Variants in BABAM2 observed in about 807,000 individuals in gnomAD.
The protein encoded by BABAM2 is BRISC and BRCA1-A complex member 2.
BABAM2 carries 31 observed loss-of-function variants against 54.7 expected under a neutral mutation model. The ratio of observed to expected loss-of-function variants is 0.57; its 90% CI spans 0.43 to 0.77. The LOEUF (loss-of-function observed/expected upper bound fraction) is 0.77, where lower values mean the gene tolerates loss of function less well. BABAM2 is among the 30% of genes least tolerant of loss of function. The pLI is 0.00. For synonymous variants in BABAM2, 167 were observed against 162.9 expected (o/e 1.03, Z -0.19); for missense variants, 364 against 455.8 (o/e 0.80, Z 1.83).
chr2:28,162,251 G>A (rs1365652973), intron 7 of BABAM2, among the ~76,000 whole-genome samples: 3 of 151,992 alleles, frequency 2.0e-5, no homozygotes, highest in Admixed American at 6.6e-5. Flanking sequence ...CCTCACACCG[G>A]GACAGTAAAG....
chr2:28,046,068 T>C (rs533963521), intron 6 of BABAM2, among the ~76,000 whole-genome samples: 1 of 152,326 alleles, frequency 6.6e-6, no homozygotes, highest in South Asian at 2.1e-4. Context: ...TATTTAATAA[T>C]GTTACTGGAA....
chr2:28,322,238 C>T lies in BABAM2; in HGVS notation c.1089-16212C>T, dbSNP rs557795361. On this transcript the variant is annotated intron_variant, in intron 11 of 11. Transcript: ENST00000379624. The surrounding 1 kb of genome is among the most constrained non-coding windows in gnomAD (Gnocchi z 4.1). ...GGAGCTTCCAGCTGCCCCTACCATT[C>T]GGTGCACAAGTGTCCCTGAACTTCG... Among the ~76,000 whole-genome samples the T allele has an allele frequency of 6.6e-5, 10 of 152,238 alleles. No homozygotes were observed. In the East Asian group the frequency reaches 1.2e-3, roughly 18 times the overall value.
chr2:28,187,467 T>A (rs917094837), intron 7 of BABAM2, among the ~76,000 whole-genome samples: 3 of 151,954 alleles, frequency 2.0e-5, no homozygotes, highest in African/African-American at 7.3e-5. Context: ...CCAACCAGAG[T>A]GCTGTAAAGA....
intron 3 of BABAM2, among the ~76,000 whole-genome samples, chr2:27,951,111 G>A (rs1395831699): frequency 1.3e-5 from 2 of 152,110 alleles, no homozygotes; most frequent in Non-Finnish European, 2.9e-5. Context: ...GGAAGAACCA[G>A]CTTTTGGTTT....
chr2:27,989,648 T>C (rs1047844406), intron 4 of BABAM2, among the ~76,000 whole-genome samples: 3 of 152,134 alleles, frequency 2.0e-5, no homozygotes, highest in Admixed American at 6.6e-5. Context: ...CTAATAGCAG[T>C]GTGGTCAATA....
In BABAM2 at chr2:28,020,952, G is replaced by GACAGACAC. The variant is rs151229813; in HGVS notation, c.301-4271_301-4270insGACACACA. 4.2e-5 allele frequency among the ~76,000 whole-genome samples: 6 copies of GACAGACAC among 144,414 alleles called. No homozygotes were observed. The East Asian group carries it at 1.2e-3, about 30-fold the overall frequency. The allele number at this position is 144,414 out of a possible 152,430, so 94.7% of individuals were successfully genotyped here. A position where few individuals can be genotyped will look rare whatever the true frequency, so the allele number is the denominator to read the frequency against. ...CATTTCTAAGACTCTCTGTCTCTCTGACACACACACACACACACACACACA... is the reference window on the plus strand; with the variant it reads ...CATTTCTAAGACTCTCTGTCTCTCTGACAGACACACACACACACACACACACACACACA... On this transcript the variant is annotated intron_variant, in intron 4 of 11. Coordinates refer to ENST00000379624, the MANE Select transcript of BABAM2 (RefSeq NM_199191.3).
chr2:28,262,791 A>T (rs1482434236), intron 10 of BABAM2, among the ~76,000 whole-genome samples: 2 of 152,114 alleles, frequency 1.3e-5, no homozygotes, highest in African/African-American at 4.8e-5. Context: ...GTCCATTCCA[A>T]CCTGCAAACT....
chr2:28,274,452 G>C (rs923332207), intron 10 of BABAM2, among the ~76,000 whole-genome samples: 2 of 152,114 alleles, frequency 1.3e-5, no homozygotes, highest in Non-Finnish European at 2.9e-5. Flanking sequence ...TTTTGAGACA[G>C]AATCTCATTC....
chr2:27,908,539 C>T (rs1666352518), intron 2 of BABAM2, among the ~76,000 whole-genome samples: 1 of 152,176 alleles, frequency 6.6e-6, no homozygotes, highest in Non-Finnish European at 1.5e-5. Context: ...TCTCAAAGTG[C>T]TGGATTACAG....
chr2:27,894,687 A>T lies in BABAM2; in HGVS notation c.128+3A>T. 1 of 1,614,084 alleles carries T rather than the reference A, an allele frequency of 6.2e-7. No homozygotes were observed. The highest frequency in any genetic ancestry group is 8.5e-7 in the Non-Finnish European group (1 of 1,179,954). ...AGGATAACTGACTTAAAATCTGGGT[A>T]TGTACCAGAATGAATTCAGTCAATG... is the stretch of plus-strand genomic sequence containing the variant. On this transcript the variant is annotated splice_donor_region_variant and intron_variant, in intron 2 of 11. Coordinates refer to ENST00000379624, the MANE Select transcript of BABAM2 (RefSeq NM_199191.3).
rs759018621 is a variant in BABAM2, at chr2:28,338,553, T to C, written c.*40T>C. The C allele has an allele frequency of 6.2e-7, 1 of 1,606,008 alleles. No individual in the cohort carries two copies. Among genetic ancestry groups the C allele is most frequent in the Non-Finnish European group, 8.5e-7 (1 of 1,172,800 alleles). On this transcript the variant is annotated 3_prime_UTR_variant, in exon 12 of 12. Coordinates refer to ENST00000379624, the MANE Select transcript of BABAM2 (RefSeq NM_199191.3). ...GAGAGGTGGCCAGCCAGACTGCCTGTCCACATGCGTGTCAGCACATACAGC... is the reference window on the plus strand; with the variant it reads ...GAGAGGTGGCCAGCCAGACTGCCTGCCCACATGCGTGTCAGCACATACAGC...
intron 5 of BABAM2, among the ~76,000 whole-genome samples, chr2:28,042,180 T>A (rs1212445162): frequency 1.3e-5 from 2 of 152,144 alleles, no homozygotes; most frequent in African/African-American, 4.8e-5. Context: ...AAATGAGGAA[T>A]AAATATCAAG....
chr2:28,032,928 C>T (rs1017796689), intron 5 of BABAM2, among the ~76,000 whole-genome samples: 1 of 152,074 alleles, frequency 6.6e-6, no homozygotes, highest in African/African-American at 2.4e-5. Context: ...TAAAAAAATA[C>T]AGAAACCAGG....
At chr2:28,194,203 T>C (rs1012699568) in intron 7 of BABAM2, among the ~76,000 whole-genome samples, 23 of 152,098 alleles carry the variant, frequency 1.5e-4, no homozygotes, top group Admixed American at 1.4e-3. Context: ...ACAGATGGTG[T>C]TGGGGCCTTG....
chr2:28,270,372 C>G (rs1558488710), intron 10 of BABAM2, among the ~76,000 whole-genome samples: 1 of 152,212 alleles, frequency 6.6e-6, no homozygotes, highest in Non-Finnish European at 1.5e-5. Context: ...CATCCTGCCA[C>G]AGCCTCCCAA....
chr2:28,027,645 C>A (rs1675970717), intron 5 of BABAM2, among the ~76,000 whole-genome samples: 1 of 152,168 alleles, frequency 6.6e-6, no homozygotes, highest in East Asian at 1.9e-4. Flanking sequence ...TACTTCATTT[C>A]TTTTTATGGC....
intron 3 of BABAM2, among the ~76,000 whole-genome samples, chr2:27,948,776 A>G (rs1573239301): frequency 6.6e-6 from 1 of 152,080 alleles, no homozygotes; most frequent in Non-Finnish European, 1.5e-5. Flanking sequence ...ACCTCAAAAA[A>G]TAAAAAAAAA....
At chr2:28,220,415 CT>C (rs1680294950) in intron 7 of BABAM2, among the ~76,000 whole-genome samples, 1 of 152,170 alleles carries the variant, frequency 6.6e-6, no homozygotes, top group Non-Finnish European at 1.5e-5. Context: ...TATTGATGTT[CT>C]TCTAAATAGT....
At chr2:27,990,451 C>T (rs1672701923) in intron 4 of BABAM2, among the ~76,000 whole-genome samples, 1 of 152,158 alleles carries the variant, frequency 6.6e-6, no homozygotes, top group Non-Finnish European at 1.5e-5. Context: ...TCATTAATAA[C>T]CTGACTAGTC....
Sources: gnomAD v4.1 joint callset for allele counts (sites outside exome capture counted in the v4.1 genomes callset) on GRCh38, gnomAD v4.1.1 for gene constraint, Gnocchi (gnomAD v3.1) non-coding constraint, MANE v1.5 for transcripts, NCBI Gene and HGNC (gene_info 2026-07-23, HGNC 2026-07-21) for gene names.